Variants in ZNF804A observed in about 807,000 individuals in gnomAD.
ZNF804A encodes the protein zinc finger protein 804A.
Under a neutral mutation model 16.5 loss-of-function variants are expected in ZNF804A, and 2 were observed. The observed-to-expected ratio is 0.12, with a 90% CI of 0.05 to 0.38. The LOEUF (loss-of-function observed/expected upper bound fraction) is 0.38. ZNF804A is among the 10% of genes least tolerant of loss of function. ZNF804A has a pLI of 0.99. For missense variants in ZNF804A, 1,473 were observed against 1,390.7 expected (o/e 1.06, Z -0.94); for synonymous variants, 534 against 489.6 (o/e 1.09, Z -1.20).
At chr2:184,734,169 C>G (rs572611549) in intron 1 of ZNF804A, among the ~76,000 whole-genome samples, 1 of 152,138 alleles carries the variant, frequency 6.6e-6, no homozygotes, top group East Asian at 1.9e-4. Flanking sequence ...TGCTCAAACA[C>G]CTAGGCTCAA....
At chr2:184,871,979 C>G (rs1033847823) in intron 2 of ZNF804A, among the ~76,000 whole-genome samples, 7 of 151,964 alleles carry the variant, frequency 4.6e-5, no homozygotes, top group African/African-American at 1.4e-4. Flanking sequence ...AATTATCATT[C>G]AAGAATTAAG....
At chr2:184,611,179 T>TA (rs1462457501) in intron 1 of ZNF804A, among the ~76,000 whole-genome samples, 2 of 152,176 alleles carry the variant, frequency 1.3e-5, no homozygotes, top group African/African-American at 4.8e-5. Context: ...ATAAGGGCAC[T>TA]AATCTGTTAT....
Position 184,916,368 on chromosome 2 carries a change from C to T in ZNF804A, c.256-17235C>T, listed in dbSNP as rs1356805997. Among the ~76,000 whole-genome samples, 6 of 152,108 alleles carry T rather than the reference C, an allele frequency of 3.9e-5. No individual in the cohort carries two copies. In the East Asian group the frequency reaches 5.8e-4, roughly 15 times the overall value. ...ATATATTTTATTTCATACTAACTCA[C>T]TCCAACTTGAAAGATGGCATTGGAA... On this transcript the variant is annotated intron_variant, in intron 2 of 3. Coordinates refer to ENST00000302277, the MANE Select transcript of ZNF804A (RefSeq NM_194250.2).
chr2:184,709,851 AT>A (rs1006958938), intron 1 of ZNF804A, among the ~76,000 whole-genome samples: 17 of 148,196 alleles, frequency 1.1e-4, no homozygotes, highest in African/African-American at 4.2e-4. Flanking sequence ...TTTATAGTAT[AT>A]ATTATAAATA....
intron 2 of ZNF804A, among the ~76,000 whole-genome samples, chr2:184,921,276 CA>C (rs1280470621): frequency 1.3e-5 from 2 of 152,014 alleles, no homozygotes; most frequent in Admixed American, 1.3e-4. Flanking sequence ...TAAAACTCTA[CA>C]AAGTATTTGG....
In ZNF804A at chr2:184,655,146, G is replaced by T. The variant is rs189499970; in HGVS notation, c.111+56076G>T. ...TTCTATTTATATGATTCCCACCATT[G>T]GAAATACTGCCCAGATTGTTTGCAT... is the stretch of plus-strand genomic sequence containing the variant. On this transcript the variant is annotated intron_variant, in intron 1 of 3. Coordinates refer to ENST00000302277, the MANE Select transcript of ZNF804A (RefSeq NM_194250.2). 1.2e-4 allele frequency among the ~76,000 whole-genome samples: 18 copies of T among 152,226 alleles called. No individual in the cohort carries two copies. The East Asian group carries it at 2.3e-3, about 20-fold the overall frequency.
intron 2 of ZNF804A, among the ~76,000 whole-genome samples, chr2:184,925,193 G>C (rs1354914881): frequency 6.6e-6 from 1 of 151,730 alleles, no homozygotes; most frequent in Non-Finnish European, 1.5e-5. Context: ...TCTAATGTTT[G>C]CTTTATAAAT....
chr2:184,858,807 C>A (rs1168731357), intron 1 of ZNF804A, among the ~76,000 whole-genome samples: 1 of 152,100 alleles, frequency 6.6e-6, no homozygotes, highest in Non-Finnish European at 1.5e-5. Flanking sequence ...ATGTTACTGG[C>A]TTGAAGAACT....
intron 1 of ZNF804A, among the ~76,000 whole-genome samples, chr2:184,789,060 G>A (rs540543699): frequency 1.2e-4 from 19 of 152,064 alleles, no homozygotes; most frequent in African/African-American, 4.6e-4. Flanking sequence ...GATGGTGGAT[G>A]TTATCGAATG....
At chr2:184,616,295 T>C (rs562667889) in intron 1 of ZNF804A, among the ~76,000 whole-genome samples, 30 of 152,168 alleles carry the variant, frequency 2.0e-4, no homozygotes, top group Non-Finnish European at 3.2e-4. Context: ...TCTTTTTGTT[T>C]CTGTTTCTTT....
intron 1 of ZNF804A, among the ~76,000 whole-genome samples, chr2:184,632,366 G>T (rs1691626725): frequency 6.6e-6 from 1 of 151,774 alleles, no homozygotes; most frequent in Non-Finnish European, 1.5e-5. Context: ...ACCATATTTG[G>T]TAACTTTTAT....
At chr2:184,729,620 A>G (rs571112210) in intron 1 of ZNF804A, among the ~76,000 whole-genome samples, 69 of 152,266 alleles carry the variant, frequency 4.5e-4, no homozygotes, top group African/African-American at 1.6e-3. Flanking sequence ...AAAGTGAACA[A>G]AAAAATAGAT....
intron 2 of ZNF804A, among the ~76,000 whole-genome samples, chr2:184,880,012 T>C (rs1222112174): frequency 6.6e-6 from 1 of 152,024 alleles, no homozygotes; most frequent in Non-Finnish European, 1.5e-5. Flanking sequence ...AATTACATGT[T>C]ACTGAGGGAA....
rs1407545622 is a variant in ZNF804A, at chr2:184,688,242, A to G, written c.111+89172A>G. On this transcript the variant is annotated intron_variant, in intron 1 of 3. Coordinates refer to ENST00000302277, the MANE Select transcript of ZNF804A (RefSeq NM_194250.2). ...AGAACAAATTATATACCCGCCACACACTCCCCAGTTCATTCTTCTCTGCTT... is the reference window on the plus strand; with the variant it reads ...AGAACAAATTATATACCCGCCACACGCTCCCCAGTTCATTCTTCTCTGCTT... Among the ~76,000 whole-genome samples, 8 of 151,780 alleles carry G rather than the reference A, an allele frequency of 5.3e-5. No individual in the cohort carries two copies. The East Asian group carries it at 1.4e-3, about 26-fold the overall frequency.
At chr2:184,604,193 G>A (rs939596480) in intron 1 of ZNF804A, among the ~76,000 whole-genome samples, 2 of 55,880 alleles carry the variant, frequency 3.6e-5, no homozygotes, top group African/African-American at 5.6e-5. Flanking sequence ...TTTTTGAGAC[G>A]GAGTCTGGCT....
chr2:184,661,422 G>A (rs903333244), intron 1 of ZNF804A, among the ~76,000 whole-genome samples: 5 of 152,162 alleles, frequency 3.3e-5, no homozygotes, highest in Admixed American at 2.0e-4. Flanking sequence ...AAAGGAATAA[G>A]CTATGCAGAT....
chr2:184,900,627 A>C (rs1378011678), intron 2 of ZNF804A, among the ~76,000 whole-genome samples: 1 of 152,190 alleles, frequency 6.6e-6, no homozygotes, highest in Non-Finnish European at 1.5e-5. Flanking sequence ...ATAAGATTAA[A>C]TATTCAAAAG....
rs1685858387 is a variant in ZNF804A, at chr2:184,939,444, CA to C, written c.*419del. 6.5e-6 allele frequency: 1 copy of C among 153,506 alleles called. No individual in the cohort carries two copies. The highest frequency in any genetic ancestry group is 1.5e-5 in the Non-Finnish European group (1 of 68,766). The allele number at this position is 153,506 out of a possible 1,614,324, so 9.5% of individuals were successfully genotyped here. A position where few individuals can be genotyped will look rare whatever the true frequency, so the allele number is the denominator to read the frequency against. On this transcript the variant is annotated 3_prime_UTR_variant, in exon 4 of 4. Coordinates refer to ENST00000302277, the MANE Select transcript of ZNF804A (RefSeq NM_194250.2). ...ATCATGTTCCTTGAAACTGTAAATT[CA>C]GTGAAAAATATCTCTTGCAATAAAT...
At chr2:184,821,683 C>A (rs567072005) in intron 1 of ZNF804A, among the ~76,000 whole-genome samples, 37 of 152,130 alleles carry the variant, frequency 2.4e-4, no homozygotes, top group Middle Eastern at 6.8e-3. Context: ...GTCTAGTATC[C>A]AGATTCTACA....
Sources: gnomAD v4.1 joint callset for allele counts (sites outside exome capture counted in the v4.1 genomes callset) on GRCh38, gnomAD v4.1.1 for gene constraint, MANE v1.5 for transcripts, NCBI Gene and HGNC (gene_info 2026-07-23, HGNC 2026-07-21) for gene names.